GTF2IRD2: variants seen among roughly 807,000 people sequenced by gnomAD.
GTF2IRD2 encodes the protein GTF2I repeat domain containing 2, also known as general transcription factor II-I repeat domain-containing protein 2A.
Under a neutral mutation model 49.2 loss-of-function variants are expected in GTF2IRD2, and 8 were observed. The observed-to-expected ratio is 0.16, with a 90% CI of 0.10 to 0.29. The LOEUF (loss-of-function observed/expected upper bound fraction) is 0.29. GTF2IRD2 is among the 10% of genes least tolerant of loss of function. The pLI is 1.00. For synonymous variants in GTF2IRD2, 47 were observed against 289.7 expected, an observed-to-expected ratio of 0.16 and a Z score of 8.51; for missense variants, 130 against 725.7, an observed-to-expected ratio of 0.18 and a Z score of 9.43.
At chr7:74,842,506 T>G (rs1291796463) in intron 1 of GTF2IRD2, among the ~76,000 whole-genome samples, 8 of 143,798 alleles carry the variant, frequency 5.6e-5, no homozygotes, top group Non-Finnish European at 1.1e-4. Flanking sequence ...GCTGGGATTA[T>G]AGGTGTGAGG....
chr7:74,836,150 G>A (rs1220178900), intron 2 of GTF2IRD2, 130 bp downstream of exon 2: 24 of 1,070,524 alleles, frequency 2.2e-5, no homozygotes, highest in Non-Finnish European at 3.3e-5. Flanking sequence ...CAGCCTGGGT[G>A]ACAGAGTGAG....
Position 74,797,321 on chromosome 7 carries a change from C to G in GTF2IRD2, c.2191G>C (p.Asp731His). The G allele has an allele frequency of 1.1e-6, 1 of 919,818 alleles. No individual in the cohort carries two copies. The allele number at this position is 919,818 out of a possible 1,614,324, so 57.0% of individuals were successfully genotyped here. Residue 731 changes from aspartate (D) to histidine (H), a missense_variant, in exon 16 of 16, where the codon GAC becomes CAC. Transcript: ENST00000451013. Reference sequence around the variant, plus strand: ...TTCCCTCTGGATGACATGAAGGAGTCGATTTCTTCCAAGGATTCGAAAAAT... The same window carrying G: ...TTCCCTCTGGATGACATGAAGGAGTGGATTTCTTCCAAGGATTCGAAAAAT... ...KRFFESLEEI[D>H]SFMSSRGKPL...
At chr7:74,844,834 C>T (rs1318862978) in intron 1 of GTF2IRD2, among the ~76,000 whole-genome samples, 4 of 75,844 alleles carry the variant, frequency 5.3e-5, no homozygotes, top group African/African-American at 1.5e-4. Context: ...ACCACAGGCA[C>T]GTGCCATCAT....
intron 3 of GTF2IRD2, among the ~76,000 whole-genome samples, chr7:74,828,597 T>C (rs1257953791): frequency 4.1e-5 from 1 of 24,258 alleles, no homozygotes; most frequent in African/African-American, 1.2e-4. Context: ...CACTTGAACC[T>C]GGGATCCGGA....
intron 12 of GTF2IRD2, among the ~76,000 whole-genome samples, 157 bp downstream of exon 12, chr7:74,806,774 CAAG>C (rs2131654209): frequency 7.6e-6 from 1 of 131,782 alleles, no homozygotes; most frequent in East Asian, 2.3e-4. Flanking sequence ...CTGATGTGAG[CAAG>C]ATGCTCGTTG....
At chr7:74,844,356 TTTTTTTTATTTATTTA>T (rs1284520331) in intron 1 of GTF2IRD2, among the ~76,000 whole-genome samples, 538 of 24,184 alleles carry the variant, frequency 0.022, 36 homozygotes, top group South Asian at 0.049. Flanking sequence ...GAGGATTATG[TTTTTTTTATTTATTTA>T]TTTATTTATT....
intron 6 of GTF2IRD2, chr7:74,822,039 A>G: frequency 2.9e-6 from 1 of 348,630 alleles, no homozygotes; most frequent in Non-Finnish European, 5.5e-6. Context: ...CCCTCACCCA[A>G]ATTCAAGTTT....
At chr7:74,836,055 G>GGCAGGAGAATTGCTTGAAC (rs1800283848) in intron 2 of GTF2IRD2, among the ~76,000 whole-genome samples, 7 of 133,908 alleles carry the variant, frequency 5.2e-5, no homozygotes, top group Admixed American at 1.4e-4. Context: ...AGGAGGCTGA[G>GGCAGGAGAATTGCTTGAAC]GCAGGAGAAT....
Position 74,838,280 on chromosome 7 carries a change from T to C in GTF2IRD2, c.-5-1897A>G, listed in dbSNP as rs1257775154. 1.6e-4 allele frequency among the ~76,000 whole-genome samples: 21 copies of C among 133,706 alleles called. 4 individuals carry two copies. Among genetic ancestry groups the C allele is most frequent in the Admixed American group, 1.3e-3 (18 of 14,158 alleles). 87.7% of individuals were successfully genotyped at this position (133,706 alleles called of 152,430 possible). A position where few individuals can be genotyped will look rare whatever the true frequency, so the allele number is the denominator to read the frequency against. The stretch of plus-strand genomic sequence containing the variant: ...ATTTCACTTACACATAGAAAGGGTA[T>C]AATGGGTTTGTGTGCTAAAGATAGG... On this transcript the variant is annotated intron_variant, in intron 1 of 15. Transcript: ENST00000451013.
At chr7:74,825,889 C>T (rs2131735454) in intron 3 of GTF2IRD2, among the ~76,000 whole-genome samples, 1 of 151,552 alleles carries the variant, frequency 6.6e-6, no homozygotes, top group African/African-American at 2.4e-5. Context: ...CAAGTTCTGC[C>T]TCCCGGGTTC....
rs781946067 is a variant in GTF2IRD2 at position 74,797,158 on chromosome 7, C to T, written c.2354G>A (p.Arg785Gln). 6.3e-6 allele frequency: 6 copies of T among 955,378 alleles called. No homozygotes were observed. The highest frequency in any genetic ancestry group is 2.1e-4 in the Middle Eastern group (1 of 4,784). 59.2% of individuals were successfully genotyped at this position (955,378 alleles called of 1,614,324 possible). The change falls in exon 16 of 16, where the codon CGG becomes CAG. Residue 785 changes from arginine to glutamine, a missense_variant. Coordinates refer to ENST00000451013, the MANE Select transcript of GTF2IRD2 (RefSeq NM_173537.5). The part of the protein sequence containing the change: ...QIVTQMYDLI[R>Q]AFLAKLCLWE... ...GAGGCACAGTTTTGCTAGGAACGCC[C>T]GGATCAGGTCATACATCTGCGTGAC...
chr7:74,796,489 G>A lies in GTF2IRD2; in HGVS notation c.*173C>T. 1.8e-6 allele frequency: 1 copy of A among 565,284 alleles called. No individual in the cohort carries two copies. The highest frequency in any genetic ancestry group is 3.2e-6 in the Non-Finnish European group (1 of 314,448). 35.0% of individuals were successfully genotyped at this position (565,284 alleles called of 1,614,324 possible). Reference sequence around the variant, plus strand: ...AGGCAGGAGAATCGTTCGAACCCAGGAGCTGGAAGTTGCAGTAAGCCGAGA... The same window carrying A: ...AGGCAGGAGAATCGTTCGAACCCAGAAGCTGGAAGTTGCAGTAAGCCGAGA... On this transcript the variant is annotated 3_prime_UTR_variant, in exon 16 of 16. Transcript: ENST00000451013.
At chr7:74,826,049 T>C (rs1391047777) in intron 3 of GTF2IRD2, among the ~76,000 whole-genome samples, 5 of 151,846 alleles carry the variant, frequency 3.3e-5, no homozygotes, top group Admixed American at 6.6e-5. Context: ...CCTCCCAAAG[T>C]GCTGGGATTA....
chr7:74,836,070 T>C (rs1584403347), intron 2 of GTF2IRD2, among the ~76,000 whole-genome samples: 1 of 133,890 alleles, frequency 7.5e-6, no homozygotes, highest in East Asian at 2.0e-4. Flanking sequence ...GAGAATTGCT[T>C]GAACGCAGGA....
chr7:74,823,973 C>T (rs1799144002), intron 4 of GTF2IRD2, among the ~76,000 whole-genome samples: 4 of 111,020 alleles, frequency 3.6e-5, no homozygotes, highest in Admixed American at 2.9e-4. Flanking sequence ...ACCATTCTGG[C>T]TAACACAATG....
At chr7:74,811,039 C>A (rs1167048261) in intron 9 of GTF2IRD2, 87 bp from the exon 10 acceptor site, 1 of 224,674 alleles carries the variant, frequency 4.5e-6, no homozygotes, top group Non-Finnish European at 8.4e-6. Context: ...CAAGTCAATA[C>A]CCACACAGGA....
intron 3 of GTF2IRD2, among the ~76,000 whole-genome samples, chr7:74,830,042 T>G (rs1281630148): frequency 6.7e-6 from 1 of 150,344 alleles, no homozygotes; most frequent in East Asian, 1.9e-4. Flanking sequence ...GACAAATAGA[T>G]CTACGGAATA....
intron 12 of GTF2IRD2, among the ~76,000 whole-genome samples, chr7:74,806,336 G>A (rs1260386508): frequency 7.7e-6 from 1 of 129,410 alleles, no homozygotes; most frequent in Non-Finnish European, 1.7e-5. Flanking sequence ...TTGAGACAGA[G>A]TCTCGCTCTG....
intron 1 of GTF2IRD2, among the ~76,000 whole-genome samples, chr7:74,844,360 T>TA (rs1435505739): frequency 0.049 from 638 of 13,056 alleles, 6 homozygotes; most frequent in Non-Finnish European, 0.075. Flanking sequence ...ATTATGTTTT[T>TA]TTTATTTATT....
Sources: allele counts gnomAD v4.1 joint callset (sites outside exome capture counted in the v4.1 genomes callset), GRCh38; gene constraint gnomAD v4.1.1; transcripts MANE v1.5; gene names NCBI Gene and HGNC (gene_info 2026-07-23, HGNC 2026-07-21).